The following PDZD8 variants were observed in gnomAD, a reference collection of about 807,000 sequenced individuals.
The protein encoded by PDZD8 is PDZ domain containing 8.
Under a neutral mutation model 85.8 loss-of-function variants are expected in PDZD8, and 14 were observed. That is an observed-to-expected ratio of 0.16 (90% CI 0.11 to 0.26). The LOEUF is 0.26. PDZD8 is among the 10% of genes least tolerant of loss of function. PDZD8 has a pLI of 1.00. For missense variants in PDZD8, 1,197 were observed against 1,424.3 expected (o/e 0.84, Z 2.57); for synonymous variants, 592 against 568.6 (o/e 1.04, Z -0.59).
chr10:117,351,638 C>T (rs12414644), intron 1 of PDZD8, among the ~76,000 whole-genome samples: 1 of 151,988 alleles, frequency 6.6e-6, no homozygotes, highest in Non-Finnish European at 1.5e-5. Flanking sequence ...CTGATTAGTA[C>T]ACTTTTCAGG....
intron 1 of PDZD8, among the ~76,000 whole-genome samples, chr10:117,371,260 C>T (rs192171756): frequency 0.01 from 1,587 of 152,266 alleles, 24 homozygotes; most frequent in African/African-American, 0.036. Context: ...TATCGGCTGG[C>T]TGCAACCTCT....
At chr10:117,357,202 G>T (rs1183795501) in intron 1 of PDZD8, among the ~76,000 whole-genome samples, 2 of 152,126 alleles carry the variant, frequency 1.3e-5, no homozygotes, top group Non-Finnish European at 2.9e-5. Context: ...AGACCAGCCT[G>T]GCCAACACAG....
chr10:117,356,037 C>G (rs1257335392), intron 1 of PDZD8, among the ~76,000 whole-genome samples: 1 of 151,874 alleles, frequency 6.6e-6, no homozygotes, highest in Non-Finnish European at 1.5e-5. Context: ...ACCATAGGAG[C>G]CTTAAGTCTT....
chr10:117,286,818 T>C (rs1341531929), intron 4 of PDZD8, among the ~76,000 whole-genome samples: 1 of 152,208 alleles, frequency 6.6e-6, no homozygotes, highest in African/African-American at 2.4e-5. Context: ...TCCCCAGCTT[T>C]ACTAGCCCCA....
At chr10:117,354,326 T>C (rs2133868068) in intron 1 of PDZD8, among the ~76,000 whole-genome samples, 1 of 152,364 alleles carries the variant, frequency 6.6e-6, no homozygotes, top group Admixed American at 6.5e-5. Flanking sequence ...TTCACACATG[T>C]GATACACCTA....
At chr10:117,330,710 TCAATC>T (rs1844407164) in intron 2 of PDZD8, among the ~76,000 whole-genome samples, 2 of 152,194 alleles carry the variant, frequency 1.3e-5, no homozygotes, top group South Asian at 2.1e-4. Context: ...CTCTGGGACT[TCAATC>T]TCTATATATA....
chr10:117,359,530 T>C (rs1006356022), intron 1 of PDZD8, among the ~76,000 whole-genome samples: 28 of 151,412 alleles, frequency 1.8e-4, no homozygotes, highest in African/African-American at 5.6e-4. Flanking sequence ...GCCAACATGG[T>C]AAAATCCCGT....
intron 3 of PDZD8, among the ~76,000 whole-genome samples, chr10:117,313,558 T>C (rs575757947): frequency 1.1e-3 from 163 of 152,286 alleles, no homozygotes; most frequent in African/African-American, 3.8e-3. Flanking sequence ...GTTTCCCACA[T>C]CTCTAAGCCA....
chr10:117,295,511 AACTCC>A (rs1448154782), intron 3 of PDZD8, among the ~76,000 whole-genome samples: 4 of 151,856 alleles, frequency 2.6e-5, no homozygotes, highest in Non-Finnish European at 4.4e-5. Flanking sequence ...ACACACAAAA[AACTCC>A]CTCCCAGTTG....
At chr10:117,294,327 C>CAAAAAAA (rs71013656) in intron 3 of PDZD8, among the ~76,000 whole-genome samples, 1 of 142,544 alleles carries the variant, frequency 7.0e-6, no homozygotes, top group South Asian at 2.2e-4. Context: ...ACCAAAAAGA[C>CAAAAAAA]AAAAAAAAAA....
chr10:117,365,829 G>A (rs915118807), intron 1 of PDZD8, among the ~76,000 whole-genome samples: 6 of 152,146 alleles, frequency 3.9e-5, no homozygotes, highest in African/African-American at 1.4e-4. Context: ...TACGTCCTAT[G>A]ACTCTGAGGT....
intron 2 of PDZD8, among the ~76,000 whole-genome samples, chr10:117,340,644 T>C (rs1323270321): frequency 6.6e-6 from 1 of 152,194 alleles, no homozygotes; most frequent in Non-Finnish European, 1.5e-5. Context: ...CTTACTCTGC[T>C]TTAATAAGTA....
chr10:117,285,492 G>A (rs1379068249), intron 4 of PDZD8, 21 bp from the exon 5 acceptor site: 3 of 1,528,252 alleles, frequency 2.0e-6, no homozygotes, highest in East Asian at 2.3e-5. Context: ...ATTTTAAAAG[G>A]GAAAACATGT....
chr10:117,318,843 A>G, intron 3 of PDZD8, 29 bp downstream of exon 3: 1 of 1,428,070 alleles, frequency 7.0e-7, no homozygotes, highest in Non-Finnish European at 9.8e-7. Flanking sequence ...AACTTTATAT[A>G]GATATAAATC....
intron 2 of PDZD8, among the ~76,000 whole-genome samples, chr10:117,321,771 A>G (rs1800875179): frequency 6.6e-6 from 1 of 152,192 alleles, no homozygotes; most frequent in South Asian, 2.1e-4. Context: ...ATAATAAATG[A>G]TTGGTTTATT....
At chr10:117,297,463 C>T (rs1479815179) in intron 3 of PDZD8, among the ~76,000 whole-genome samples, 1 of 152,082 alleles carries the variant, frequency 6.6e-6, no homozygotes, top group East Asian at 1.9e-4. Context: ...CCAATATTCA[C>T]AGAGCATCAT....
In PDZD8 at chr10:117,290,212, C is replaced by A; in HGVS notation, c.1235G>T (p.Arg412Leu). The change falls in exon 4 of 5, where the codon CGG becomes CTG. Residue 412 changes from arginine (R) to leucine (L), a missense_variant. Transcript: ENST00000334464. The stretch of plus-strand genomic sequence containing the variant: ...TCCAATGGCGATAAGTCGATCTCCC[C>A]GCTGAAGATCTGCAATTGCAGCAGG... ...NSPAAIADLQ[R>L]GDRLIAIGGV... 6.2e-7 allele frequency: 1 copy of A among 1,613,934 alleles called. No individual in the cohort carries two copies. Among genetic ancestry groups the A allele is most frequent in the African/African-American group, 1.3e-5 (1 of 75,028 alleles).
chr10:117,340,330 G>A (rs1844589491), intron 2 of PDZD8, among the ~76,000 whole-genome samples: 2 of 152,150 alleles, frequency 1.3e-5, no homozygotes, highest in Non-Finnish European at 2.9e-5. Context: ...AAAGAACTCT[G>A]CGAAGTCAGT....
At chr10:117,347,821 C>T (rs1844735255) in intron 1 of PDZD8, among the ~76,000 whole-genome samples, 1 of 152,070 alleles carries the variant, frequency 6.6e-6, no homozygotes, top group Non-Finnish European at 1.5e-5. Context: ...AAATAAAACA[C>T]ACAGCCAGTA....
Sources: gnomAD v4.1 joint callset for allele counts (sites outside exome capture counted in the v4.1 genomes callset) on GRCh38, gnomAD v4.1.1 for gene constraint, MANE v1.5 for transcripts, NCBI Gene and HGNC (gene_info 2026-07-23, HGNC 2026-07-21) for gene names.